The following PTPRD variants were observed in gnomAD, a reference collection of about 807,000 sequenced individuals.
PTPRD encodes the protein receptor-type tyrosine-protein phosphatase delta.
In PTPRD, 34 loss-of-function variants were observed where a neutral mutation model predicts 214.5. That is an observed-to-expected ratio of 0.16 (90% confidence interval 0.12 to 0.21). The LOEUF (loss-of-function observed/expected upper bound fraction) is 0.21. Ranked by LOEUF, PTPRD falls within the 10% of genes least tolerant of loss-of-function variation. The probability of loss-of-function intolerance (pLI) is 1.00; values close to 1 mark genes in which losing one functional copy is unlikely to be tolerated. For missense variants in PTPRD, 2,545 were observed against 2,398.7 expected (o/e 1.06, Z -1.27); for synonymous variants, 1,128 against 845.7 (o/e 1.33, Z -5.79).
chr9:9,516,995 A>G (rs966335622), intron 8 of PTPRD, among the ~76,000 whole-genome samples: 1 of 151,544 alleles, frequency 6.6e-6, no homozygotes, highest in Admixed American at 6.7e-5. Context: ...AATGATATAA[A>G]CATAATAAAT....
intron 14 of PTPRD, among the ~76,000 whole-genome samples, chr9:8,584,768 G>A (rs562937534): frequency 1.4e-3 from 220 of 152,274 alleles, no homozygotes; most frequent in Middle Eastern, 6.8e-3. Flanking sequence ...CCTGAGAATG[G>A]GTAATTTATA....
At chr9:10,343,914 G>T (rs1353625819) in intron 2 of PTPRD, among the ~76,000 whole-genome samples, 2 of 143,576 alleles carry the variant, frequency 1.4e-5, no homozygotes, top group Non-Finnish European at 3.0e-5. Context: ...TTAGCTCTTT[G>T]TCAGATGGGT....
chr9:8,319,784 C>T (rs2130688073), intron 45 of PTPRD, 47 bp downstream of exon 45: 1 of 1,608,434 alleles, frequency 6.2e-7, no homozygotes, highest in Non-Finnish European at 8.5e-7. Context: ...TCCAGGCTAG[C>T]AAAACGTAGG....
chr9:9,471,706 C>A (rs1300624550), intron 8 of PTPRD, among the ~76,000 whole-genome samples: 1 of 152,008 alleles, frequency 6.6e-6, no homozygotes, highest in Non-Finnish European at 1.5e-5. Context: ...TTGAACAATT[C>A]AATGCATTTC....
intron 14 of PTPRD, among the ~76,000 whole-genome samples, chr9:8,594,236 C>T (rs911357780): frequency 2.2e-4 from 33 of 152,070 alleles, no homozygotes; most frequent in African/African-American, 8.0e-4. Flanking sequence ...ATCCTCTACT[C>T]CAAAGTCTGC....
intron 8 of PTPRD, among the ~76,000 whole-genome samples, chr9:9,477,682 G>A (rs887300223): frequency 2.6e-5 from 4 of 152,074 alleles, no homozygotes; most frequent in Non-Finnish European, 4.4e-5. Flanking sequence ...ACTCTGAAAC[G>A]TATTTCCCAG....
At chr9:8,398,610 T>C (rs1182067230) in intron 36 of PTPRD, among the ~76,000 whole-genome samples, 1 of 152,210 alleles carries the variant, frequency 6.6e-6, no homozygotes, top group Non-Finnish European at 1.5e-5. Flanking sequence ...GCTTAAGTCA[T>C]CAGGGCAGAG....
intron 5 of PTPRD, among the ~76,000 whole-genome samples, chr9:9,928,486 G>C (rs1318156719): frequency 6.6e-6 from 1 of 151,952 alleles, no homozygotes; most frequent in Non-Finnish European, 1.5e-5. Context: ...TAAAAGGAGG[G>C]AATTTTCTTT....
chr9:8,528,611 C>T lies in PTPRD; in HGVS notation c.521G>A (p.Arg174His), dbSNP rs201846121. The T allele has an allele frequency of 3.1e-6, 5 of 1,613,590 alleles. No homozygotes were observed. Among genetic ancestry groups the T allele is most frequent in the African/African-American group, 1.3e-5 (1 of 74,952 alleles). The change falls in exon 15 of 46, where the codon CGT (arginine) becomes CAT (histidine). Residue 174 changes from arginine to histidine, a missense_variant. Physicochemically the swap from Arg to His is conservative, Grantham distance 29. Transcript: ENST00000381196. ...CCTACCTGATCGTAACTGCTTAATA[C>T]GACCATTGTTGTTGCTTGTGTCCAC... ...LPVDTSNNNG[R>H]IKQLRSESIG...
At chr9:8,797,111 C>T (rs1163902247) in intron 11 of PTPRD, 1 of 152,064 alleles carries the variant, frequency 6.6e-6, no homozygotes, top group East Asian at 1.9e-4. Context: ...ACTTAAAGCA[C>T]ACAAGATTTG....
At chr9:8,957,921 A>G (rs2099139763) in intron 11 of PTPRD, among the ~76,000 whole-genome samples, 1 of 151,134 alleles carries the variant, frequency 6.6e-6, no homozygotes, top group Non-Finnish European at 1.5e-5. Flanking sequence ...TCATTCTCAG[A>G]AAAAGAAGAC....
At chr9:9,880,085 A>C (rs1310519305) in intron 5 of PTPRD, among the ~76,000 whole-genome samples, 1 of 152,034 alleles carries the variant, frequency 6.6e-6, no homozygotes. Context: ...GAGGGAGGTG[A>C]TTGGATCATG....
chr9:8,836,104 C>G (rs2097415791), intron 11 of PTPRD, among the ~76,000 whole-genome samples: 1 of 152,078 alleles, frequency 6.6e-6, no homozygotes, highest in East Asian at 1.9e-4. Flanking sequence ...TTTTTATGTC[C>G]TAGAGTTTTG....
intron 10 of PTPRD, among the ~76,000 whole-genome samples, chr9:9,091,564 C>G (rs1321702868): frequency 1.3e-5 from 2 of 152,154 alleles, no homozygotes; most frequent in African/African-American, 4.8e-5. Context: ...AACTCCTTTT[C>G]ATAGTAATAA....
At chr9:9,625,215 G>A (rs1341839208) in intron 7 of PTPRD, among the ~76,000 whole-genome samples, 1 of 152,142 alleles carries the variant, frequency 6.6e-6, no homozygotes, top group East Asian at 1.9e-4. Context: ...GTCACAGTGG[G>A]GATATGGACA....
intron 5 of PTPRD, among the ~76,000 whole-genome samples, chr9:9,828,866 G>A (rs2053883136): frequency 1.3e-5 from 2 of 151,798 alleles, no homozygotes; most frequent in South Asian, 2.1e-4. Context: ...GTATTAGATG[G>A]TGCTCACTTC....
At chr9:9,944,026 C>A (rs1356474051) in intron 4 of PTPRD, among the ~76,000 whole-genome samples, 1 of 152,114 alleles carries the variant, frequency 6.6e-6, no homozygotes, top group Non-Finnish European at 1.5e-5. Flanking sequence ...TTGGAAAACT[C>A]AAGGCTTTAG....
At chr9:9,424,633 A>T (rs375962147) in intron 8 of PTPRD, among the ~76,000 whole-genome samples, 90 of 152,258 alleles carry the variant, frequency 5.9e-4, no homozygotes, top group African/African-American at 2.1e-3. Flanking sequence ...GCTAAGGGTG[A>T]CTAACTAAAA....
At chr9:9,956,336 G>C (rs1462239364) in intron 4 of PTPRD, among the ~76,000 whole-genome samples, 1 of 151,122 alleles carries the variant, frequency 6.6e-6, no homozygotes. Flanking sequence ...CAAAAGTAGT[G>C]TAGTGATTTA....
Sources: gnomAD v4.1 joint callset for allele counts (sites outside exome capture counted in the v4.1 genomes callset) on GRCh38, gnomAD v4.1.1 for gene constraint, MANE v1.5 for transcripts, NCBI Gene and HGNC (gene_info 2026-07-23, HGNC 2026-07-21) for gene names.